Variants in PRKG1 observed in about 807,000 individuals in gnomAD.
PRKG1 encodes the protein protein kinase cGMP-dependent 1.
Under a neutral mutation model 88.1 loss-of-function variants are expected in PRKG1, and 35 were observed. The observed-to-expected ratio is 0.40, with a 90% CI of 0.30 to 0.53. PRKG1 has a LOEUF of 0.53. PRKG1 is among the 20% of genes least tolerant of loss of function. The pLI is 0.59. For missense variants in PRKG1, 540 were observed against 839.8 expected (o/e 0.64, Z 4.41); for synonymous variants, 303 against 292.5 (o/e 1.04, Z -0.37).
chr10:51,838,066 A>G (rs187353139), intron 4 of PRKG1, among the ~76,000 whole-genome samples: 95 of 152,258 alleles, frequency 6.2e-4, no homozygotes, highest in Non-Finnish European at 1.1e-3. Flanking sequence ...TCTCTTTGTG[A>G]TCCATATCAA....
chr10:51,037,187 C>T (rs777139571), intron 1 of PRKG1, among the ~76,000 whole-genome samples: 1 of 152,174 alleles, frequency 6.6e-6, no homozygotes, highest in Admixed American at 6.6e-5. Context: ...GTTGCTTGCA[C>T]CTGTAATCCC....
intron 2 of PRKG1, among the ~76,000 whole-genome samples, chr10:51,197,086 T>TGGTA (rs1037665364): frequency 6.6e-6 from 1 of 152,128 alleles, no homozygotes; most frequent in Non-Finnish European, 1.5e-5. Context: ...TGGCTTTAAT[T>TGGTA]GGTACAGTAC....
chr10:51,974,794 G>C (rs1252961822), intron 5 of PRKG1, among the ~76,000 whole-genome samples: 1 of 151,942 alleles, frequency 6.6e-6, no homozygotes, highest in Admixed American at 6.6e-5. Flanking sequence ...GTAACATTCT[G>C]CCTTTTTAAT....
At chr10:51,368,002 A>G (rs1189315) in intron 2 of PRKG1, among the ~76,000 whole-genome samples, 8 of 151,840 alleles carry the variant, frequency 5.3e-5, no homozygotes, top group African/African-American at 1.9e-4. Context: ...TGCTGATTTT[A>G]TTTCCTTTTG....
At chr10:51,567,787 A>T (rs149025434) in intron 3 of PRKG1, among the ~76,000 whole-genome samples, 1 of 152,026 alleles carries the variant, frequency 6.6e-6, no homozygotes, top group Non-Finnish European at 1.5e-5. Context: ...GGTTTTTGCC[A>T]TGTTGGCCAG....
chr10:51,543,618 C>T (rs968389321), intron 3 of PRKG1, among the ~76,000 whole-genome samples: 7 of 152,192 alleles, frequency 4.6e-5, no homozygotes, highest in Non-Finnish European at 7.4e-5. Context: ...GCAGAATGTG[C>T]AGCCTGTTAA....
At chr10:51,262,707 C>G (rs990035834) in intron 2 of PRKG1, among the ~76,000 whole-genome samples, 1 of 152,044 alleles carries the variant, frequency 6.6e-6, no homozygotes. Context: ...CGGAAACTTA[C>G]GATCATGGCA....
chr10:51,022,865 T>C (rs2132737016), intron 1 of PRKG1, among the ~76,000 whole-genome samples: 1 of 152,188 alleles, frequency 6.6e-6, no homozygotes, highest in South Asian at 2.1e-4. Context: ...GGCATGGTGG[T>C]GGGTTCCTAT....
chr10:52,063,725 C>G (rs1341211014), intron 7 of PRKG1, among the ~76,000 whole-genome samples: 2 of 152,142 alleles, frequency 1.3e-5, no homozygotes, highest in Non-Finnish European at 2.9e-5. Flanking sequence ...AATGTGTGTT[C>G]AGCTCTTAGC....
chr10:51,399,922 C>G (rs1837689605), intron 2 of PRKG1, among the ~76,000 whole-genome samples: 1 of 152,156 alleles, frequency 6.6e-6, no homozygotes, highest in Non-Finnish European at 1.5e-5. Flanking sequence ...TGGGCAGGAT[C>G]CACAGCGTAA....
chr10:52,253,456 G>A (rs1841230471), intron 10 of PRKG1: 1 of 151,852 alleles, frequency 6.6e-6, no homozygotes, highest in African/African-American at 2.4e-5. Flanking sequence ...AAGCAAATGA[G>A]GAGGTACAAA....
chr10:51,791,064 T>C (rs1038880002), intron 3 of PRKG1, among the ~76,000 whole-genome samples: 3 of 152,158 alleles, frequency 2.0e-5, no homozygotes, highest in Admixed American at 2.0e-4. Context: ...ATTCTGTACT[T>C]TACAAGTTAG....
intron 5 of PRKG1, among the ~76,000 whole-genome samples, chr10:51,950,926 C>T (rs956119011): frequency 6.6e-6 from 1 of 152,220 alleles, no homozygotes; most frequent in African/African-American, 2.4e-5. Context: ...AGAGAGCGGA[C>T]GTGGGGGTGG....
chr10:51,888,594 A>T (rs1841632778), intron 4 of PRKG1, among the ~76,000 whole-genome samples: 1 of 152,296 alleles, frequency 6.6e-6, no homozygotes, highest in South Asian at 2.1e-4. Context: ...AGAGCAAAGG[A>T]GACAAACAAT....
chr10:51,825,357 T>C (rs60461309), intron 4 of PRKG1, among the ~76,000 whole-genome samples: 21,322 of 152,046 alleles, frequency 0.14, 2,033 homozygotes, highest in African/African-American at 0.28. Flanking sequence ...TATCTGATCT[T>C]TGTAATGATG....
chr10:51,466,579 T>A (rs1839914042), intron 2 of PRKG1, among the ~76,000 whole-genome samples: 1 of 151,970 alleles, frequency 6.6e-6, no homozygotes, highest in Admixed American at 6.6e-5. Flanking sequence ...TTAAAATATA[T>A]ATATTTAAGA....
chr10:52,138,881 A>G (rs4561153), intron 8 of PRKG1, among the ~76,000 whole-genome samples: 17,564 of 152,096 alleles, frequency 0.12, 1,269 homozygotes, highest in Non-Finnish European at 0.16. Context: ...CATGCCATAT[A>G]TTTAAAAATG....
chr10:51,549,120 CTTTTT>C (rs56045527), intron 3 of PRKG1, among the ~76,000 whole-genome samples: 4 of 70,334 alleles, frequency 5.7e-5, no homozygotes, highest in South Asian at 7.8e-4. Context: ...CTTTTCTTTT[CTTTTT>C]TTTTTTTTTT....
chr10:51,334,045 T>A (rs541400927), intron 2 of PRKG1, among the ~76,000 whole-genome samples: 1 of 152,286 alleles, frequency 6.6e-6, no homozygotes, highest in Admixed American at 6.5e-5. Context: ...CCGAAACTCT[T>A]TAATAAGGCC....
Sources: allele counts gnomAD v4.1 joint callset (sites outside exome capture counted in the v4.1 genomes callset), GRCh38; gene constraint gnomAD v4.1.1; transcripts MANE v1.5; gene names NCBI Gene and HGNC (gene_info 2026-07-23, HGNC 2026-07-21).